PTPRD: variants seen among roughly 807,000 people sequenced by gnomAD.
PTPRD encodes the protein receptor-type tyrosine-protein phosphatase delta.
Under a neutral mutation model 214.5 loss-of-function variants are expected in PTPRD, and 34 were observed. The ratio of observed to expected loss-of-function variants is 0.16; its 90% CI spans 0.12 to 0.21. The LOEUF is 0.21. Ranked by LOEUF, PTPRD falls within the 10% of genes least tolerant of loss-of-function variation. PTPRD has a pLI of 1.00. For synonymous variants in PTPRD, 1,128 were observed against 845.7 expected (o/e 1.33, Z -5.79); for missense variants, 2,545 against 2,398.7 (o/e 1.06, Z -1.27).
chr9:10,147,554 C>T (rs1424370093), intron 3 of PTPRD, among the ~76,000 whole-genome samples: 1 of 152,048 alleles, frequency 6.6e-6, no homozygotes, highest in African/African-American at 2.4e-5. Flanking sequence ...GAAGAAAGGT[C>T]TAAAAGGAAG....
intron 2 of PTPRD, among the ~76,000 whole-genome samples, chr9:10,403,647 C>T (rs1264129460): frequency 6.6e-6 from 1 of 151,364 alleles, no homozygotes; most frequent in South Asian, 2.1e-4. Flanking sequence ...TACATACAGA[C>T]CATGAAATAT....
chr9:9,430,401 G>C (rs938502465), intron 8 of PTPRD, among the ~76,000 whole-genome samples: 3 of 151,538 alleles, frequency 2.0e-5, no homozygotes, highest in Non-Finnish European at 2.9e-5. Flanking sequence ...CAAATTAAAA[G>C]AGGACACAAA....
chr9:10,193,653 C>A (rs751500514), intron 3 of PTPRD, among the ~76,000 whole-genome samples: 4 of 152,046 alleles, frequency 2.6e-5, no homozygotes, highest in Non-Finnish European at 5.9e-5. Context: ...ATGCCAATAA[C>A]CTGTTACAGA....
At chr9:8,741,419 T>G (rs1336478338) in intron 11 of PTPRD, among the ~76,000 whole-genome samples, 2 of 152,182 alleles carry the variant, frequency 1.3e-5, no homozygotes, top group East Asian at 3.9e-4. Flanking sequence ...AACATGCCGT[T>G]GGAACTCTAA....
intron 8 of PTPRD, among the ~76,000 whole-genome samples, chr9:9,453,510 T>C (rs1049701448): frequency 2.2e-4 from 34 of 151,616 alleles, no homozygotes; most frequent in African/African-American, 8.0e-4. Flanking sequence ...ATTCAGAAGA[T>C]TCAAGGTTGC....
intron 7 of PTPRD, among the ~76,000 whole-genome samples, chr9:9,638,955 T>C (rs1436491404): frequency 6.6e-6 from 1 of 152,106 alleles, no homozygotes; most frequent in Admixed American, 6.6e-5. Context: ...TCAAACTCTT[T>C]CATAATGGCA....
chr9:10,297,593 T>C (rs911888860), intron 3 of PTPRD, among the ~76,000 whole-genome samples: 25 of 147,658 alleles, frequency 1.7e-4, no homozygotes, highest in South Asian at 4.3e-4. Context: ...TTTTTTTTTT[T>C]CCCTAAAAAT....
At chr9:9,029,182 A>G (rs1364629471) in intron 10 of PTPRD, among the ~76,000 whole-genome samples, 1 of 151,988 alleles carries the variant, frequency 6.6e-6, no homozygotes, top group Non-Finnish European at 1.5e-5. Flanking sequence ...TTATTGTTAC[A>G]TTTTATAATA....
At chr9:8,408,855 C>T (rs2093280238) in intron 35 of PTPRD, among the ~76,000 whole-genome samples, 1 of 147,292 alleles carries the variant, frequency 6.8e-6, no homozygotes, top group Non-Finnish European at 1.5e-5. Flanking sequence ...AAAAAATGAC[C>T]CAATAGAAGA....
chr9:10,085,231 C>T (rs1353835267), intron 3 of PTPRD, among the ~76,000 whole-genome samples: 1 of 151,788 alleles, frequency 6.6e-6, no homozygotes, highest in East Asian at 1.9e-4. Flanking sequence ...ATTTTGACAA[C>T]ACGCCTTCTC....
At chr9:9,988,126 A>C (rs1343097832) in intron 4 of PTPRD, among the ~76,000 whole-genome samples, 1 of 152,160 alleles carries the variant, frequency 6.6e-6, no homozygotes, top group South Asian at 2.1e-4. Context: ...TCTTATTTCA[A>C]GAGTAAATTG....
At chr9:8,986,472 T>G (rs930921199) in intron 11 of PTPRD, among the ~76,000 whole-genome samples, 1 of 151,506 alleles carries the variant, frequency 6.6e-6, no homozygotes, top group Admixed American at 6.6e-5. Context: ...CATATTTTTT[T>G]CTTATTTTAT....
Position 8,358,965 on chromosome 9 carries a change from G to A in PTPRD, c.4661+16971C>T, listed in dbSNP as rs375946233. On this transcript the variant is annotated intron_variant, in intron 39 of 45. Coordinates refer to ENST00000381196, the MANE Select transcript of PTPRD (RefSeq NM_002839.4). ...TACTAAAAATACAAAAAAATTAGCC[G>A]GGCGTGGTGGCGGGCGCCTGTAGTC... 3.1e-3 allele frequency among the ~76,000 whole-genome samples: 461 copies of A among 150,266 alleles called. 3 individuals carry two copies. The highest frequency in any genetic ancestry group is 7.5e-3 in the South Asian group (35 of 4,686).
At chr9:10,023,571 C>A (rs77686479) in intron 4 of PTPRD, among the ~76,000 whole-genome samples, 4,334 of 151,986 alleles carry the variant, frequency 0.029, 124 homozygotes, top group Admixed American at 0.089. Flanking sequence ...ATTTTCTTCA[C>A]ATGATCATGA....
In PTPRD at chr9:8,783,593, G is replaced by C. The variant is rs548319221; in HGVS notation, c.-103-49647C>G. Among the ~76,000 whole-genome samples the C allele has an allele frequency of 1.4e-4, 22 of 152,262 alleles. No individual in the cohort carries two copies. In the South Asian group the frequency reaches 1.7e-3, roughly 11 times the overall value. ...ACATTGTGACAGAAGTAGGAATTTAGTCCCACCATACCCTGGTCATTAGAA... is the reference window on the plus strand; with the variant it reads ...ACATTGTGACAGAAGTAGGAATTTACTCCCACCATACCCTGGTCATTAGAA... On this transcript the variant is annotated intron_variant, in intron 11 of 45. Coordinates refer to ENST00000381196, the MANE Select transcript of PTPRD (RefSeq NM_002839.4).
chr9:8,408,461 C>G (rs905035251), intron 35 of PTPRD, among the ~76,000 whole-genome samples: 4 of 152,070 alleles, frequency 2.6e-5, no homozygotes, highest in Non-Finnish European at 5.9e-5. Context: ...TTTACCTTCC[C>G]AAGCTGAAAT....
intron 9 of PTPRD, among the ~76,000 whole-genome samples, chr9:9,200,733 C>A (rs138449334): frequency 6.6e-6 from 1 of 152,138 alleles, no homozygotes; most frequent in Non-Finnish European, 1.5e-5. Context: ...TCAAGAAATA[C>A]CCTGGATAAT....
At chr9:9,713,783 G>A (rs1595846235) in intron 7 of PTPRD, among the ~76,000 whole-genome samples, 2 of 152,076 alleles carry the variant, frequency 1.3e-5, no homozygotes, top group Admixed American at 1.3e-4. Flanking sequence ...CATGATGTTG[G>A]CAGATCTCAA....
intron 5 of PTPRD, among the ~76,000 whole-genome samples, chr9:9,922,542 A>T (rs1163645791): frequency 6.6e-6 from 1 of 152,108 alleles, no homozygotes; most frequent in African/African-American, 2.4e-5. Flanking sequence ...CTACAGTAAC[A>T]ACTAAAAAGG....
Sources: allele counts gnomAD v4.1 joint callset (sites outside exome capture counted in the v4.1 genomes callset), GRCh38; gene constraint gnomAD v4.1.1; transcripts MANE v1.5; gene names NCBI Gene and HGNC (gene_info 2026-07-23, HGNC 2026-07-21).